Variants in FAM184B observed in about 807,000 individuals in gnomAD.
The protein encoded by FAM184B is protein FAM184B.
FAM184B carries 111 observed loss-of-function variants against 135.9 expected under a neutral mutation model. The observed-to-expected ratio is 0.82, with a 90% confidence interval of 0.70 to 0.96. FAM184B has a LOEUF of 0.96. FAM184B is among the 40% of genes least tolerant of loss of function. The pLI, the probability that FAM184B is intolerant of heterozygous loss-of-function variation, is 0.00. For synonymous variants in FAM184B, 552 were observed against 524.8 expected (o/e 1.05, Z -0.71); for missense variants, 1,375 against 1,323.9 (o/e 1.04, Z -0.60).
intron 1 of FAM184B, among the ~76,000 whole-genome samples, chr4:17,765,880 C>T (rs998835764): frequency 1.3e-5 from 2 of 152,084 alleles, no homozygotes; most frequent in African/African-American, 4.8e-5. Flanking sequence ...TCCCTGGTTT[C>T]AGAAGTGAAG....
chr4:17,674,361 T>A (rs1206388830), intron 7 of FAM184B, among the ~76,000 whole-genome samples: 1 of 152,166 alleles, frequency 6.6e-6, no homozygotes, highest in South Asian at 2.1e-4. Context: ...TGTGCAATAA[T>A]CTTATGTCTA....
At chr4:17,730,442 C>A (rs984744558) in intron 1 of FAM184B, among the ~76,000 whole-genome samples, 1 of 152,074 alleles carries the variant, frequency 6.6e-6, no homozygotes, top group African/African-American at 2.4e-5. Context: ...TTGAGAAGAG[C>A]AACTCCAAGA....
intron 6 of FAM184B, among the ~76,000 whole-genome samples, chr4:17,689,270 A>G (rs917612315): frequency 6.6e-6 from 1 of 152,204 alleles, no homozygotes; most frequent in Non-Finnish European, 1.5e-5. Flanking sequence ...GTAAGGCCTT[A>G]ATTATGATGA....
chr4:17,653,275 CAA>C (rs1419088381), intron 10 of FAM184B, among the ~76,000 whole-genome samples: 1 of 152,170 alleles, frequency 6.6e-6, no homozygotes, highest in African/African-American at 2.4e-5. Context: ...GGAGATAGAG[CAA>C]AAGAGACTGA....
chr4:17,684,070 G>T (rs1560175500), intron 7 of FAM184B, among the ~76,000 whole-genome samples: 1 of 82,594 alleles, frequency 1.2e-5, no homozygotes, highest in African/African-American at 4.8e-5. Context: ...CCAGTCTCAA[G>T]AATAATAATA....
chr4:17,660,070 T>A lies in FAM184B; in HGVS notation c.1712A>T (p.Lys571Met). The A allele has an allele frequency of 6.4e-7, 1 of 1,551,528 alleles. No individual in the cohort carries two copies. Among genetic ancestry groups the A allele is most frequent in the Non-Finnish European group, 8.7e-7 (1 of 1,146,944 alleles). Residue 571 changes from lysine to methionine, a missense_variant, in exon 9 of 18, where the codon AAG (lysine) becomes ATG (methionine). Lys to Met is a moderately conservative substitution (Grantham distance 95, BLOSUM62 -1). Coordinates refer to ENST00000265018, the MANE Select transcript of FAM184B (RefSeq NM_015688.2). ...DEEERTKVLL[K>M]EGSDPQPPLG... is the part of the protein sequence containing the mutation. Reference sequence around the variant, plus strand: ...TGGAGGTTGTGGGTCACTTCCCTCCTTGAGAAGCACTTTGGTCCTTTGAAG... The same window carrying A: ...TGGAGGTTGTGGGTCACTTCCCTCCATGAGAAGCACTTTGGTCCTTTGAAG...
In FAM184B at chr4:17,758,468, T is replaced by C. The variant is rs372850980; in HGVS notation, c.141+22691A>G. Reference sequence around the variant, plus strand: ...CCTACCTGTAGCAGCAGCTGTCTGCTGTTGTGAAGACAATTTAGATGGCTG... The same window carrying C: ...CCTACCTGTAGCAGCAGCTGTCTGCCGTTGTGAAGACAATTTAGATGGCTG... On this transcript the variant is annotated intron_variant, in intron 1 of 17. Coordinates refer to ENST00000265018, the MANE Select transcript of FAM184B (RefSeq NM_015688.2). Among the ~76,000 whole-genome samples, 11 of 152,236 alleles carry C rather than the reference T, an allele frequency of 7.2e-5. No individual in the cohort carries two copies. The East Asian group carries it at 1.7e-3, about 24-fold the overall frequency.
chr4:17,650,137 C>A (rs533154033), intron 11 of FAM184B, among the ~76,000 whole-genome samples: 2 of 151,798 alleles, frequency 1.3e-5, no homozygotes, highest in African/African-American at 4.8e-5. Flanking sequence ...TCTGTCCCTC[C>A]ACCTGTCCAC....
intron 13 of FAM184B, among the ~76,000 whole-genome samples, chr4:17,641,206 T>C (rs1041388121): frequency 1.3e-5 from 2 of 152,096 alleles, no homozygotes; most frequent in Admixed American, 1.3e-4. Flanking sequence ...AGTACTGGTA[T>C]TACAGGCGTG....
intron 1 of FAM184B, among the ~76,000 whole-genome samples, chr4:17,737,697 A>G (rs1338810059): frequency 6.6e-6 from 1 of 152,118 alleles, no homozygotes; most frequent in African/African-American, 2.4e-5. Flanking sequence ...CCCTCATGAG[A>G]AGGACAAAGT....
chr4:17,705,971 C>T (rs1717107723), intron 3 of FAM184B, 80 bp from the exon 4 acceptor site: 7 of 1,518,866 alleles, frequency 4.6e-6, no homozygotes, highest in African/African-American at 2.7e-5. Flanking sequence ...GTCAGGCCCC[C>T]GTTCCGCTTT....
intron 1 of FAM184B, among the ~76,000 whole-genome samples, chr4:17,717,476 C>A (rs1717421246): frequency 6.6e-6 from 1 of 152,144 alleles, no homozygotes; most frequent in Non-Finnish European, 1.5e-5. Flanking sequence ...ACCTTCTAGA[C>A]TGGAACATCA....
chr4:17,636,594 G>T lies in FAM184B; in HGVS notation c.2718C>A (p.Asp906Glu), dbSNP rs1715145003. The T allele has an allele frequency of 1.3e-6, 2 of 1,550,932 alleles. No homozygotes were observed. The highest frequency in any genetic ancestry group is 1.7e-6 in the Non-Finnish European group (2 of 1,146,948). Residue 906 changes from aspartate (D) to glutamate (E), a missense_variant, in exon 15 of 18, where the codon GAC (aspartate) becomes GAA (glutamate). Coordinates refer to ENST00000265018, the MANE Select transcript of FAM184B (RefSeq NM_015688.2). ...KPGKGASRPE[D>E]LQLIGRLQTR... The stretch of plus-strand genomic sequence containing the variant: ...TCTGCAGGCGGCCAATGAGCTGAAG[G>T]TCCTCGGGCCTGGACGCTCCCTTCC...
rs562629317 is a variant in FAM184B at position 17,733,134 on chromosome 4, C to A, written c.142-23490G>T. Among the ~76,000 whole-genome samples, 30 of 152,128 alleles carry A rather than the reference C, an allele frequency of 2.0e-4. No homozygotes were observed. The South Asian group carries it at 6.2e-3, about 32-fold the overall frequency. ...AGAAAAGGCCTTTGACAAAATTCAA[C>A]AACCCTTCATGCTAAAAACTCTCAA... On this transcript the variant is annotated intron_variant, in intron 1 of 17. Transcript: ENST00000265018.
At chr4:17,704,300 A>G (rs746640174) in intron 5 of FAM184B, among the ~76,000 whole-genome samples, 2 of 152,184 alleles carry the variant, frequency 1.3e-5, no homozygotes, top group Non-Finnish European at 2.9e-5. Flanking sequence ...AGCAAACACA[A>G]GAGACGAGGC....
At chr4:17,668,174 T>C (rs575459509) in intron 7 of FAM184B, among the ~76,000 whole-genome samples, 53 of 152,346 alleles carry the variant, frequency 3.5e-4, no homozygotes, top group African/African-American at 1.3e-3. Flanking sequence ...GTTCTTGATC[T>C]TCCTCAGTTC....
At chr4:17,638,134 C>CTTTTTTTTTTTTTTTTTTTT (rs56926847) in intron 14 of FAM184B, among the ~76,000 whole-genome samples, 2 of 73,410 alleles carry the variant, frequency 2.7e-5, no homozygotes, top group African/African-American at 4.6e-5. Context: ...TAACTGTTTG[C>CTTTTTTTTTTTTTTTTTTTT]TTTTTTTTTT....
intron 14 of FAM184B, among the ~76,000 whole-genome samples, chr4:17,637,557 T>G (rs1016084891): frequency 6.6e-6 from 1 of 151,956 alleles, no homozygotes; most frequent in Non-Finnish European, 1.5e-5. Flanking sequence ...TGAAACTGGG[T>G]GGTTGTGAGA....
Position 17,652,865 on chromosome 4 carries a change from C to G in FAM184B, c.2156G>C (p.Arg719Pro). 1 of 1,551,672 alleles carries G rather than the reference C, an allele frequency of 6.4e-7. No homozygotes were observed. Among genetic ancestry groups the G allele is most frequent in the Non-Finnish European group, 8.7e-7 (1 of 1,146,992 alleles). The change falls in exon 11 of 18, where the codon CGT becomes CCT. Residue 719 changes from arginine (R) to proline (P), a missense_variant. By Grantham distance (103) the Arg-to-Pro change is moderately radical (BLOSUM62 -2). Coordinates refer to ENST00000265018, the MANE Select transcript of FAM184B (RefSeq NM_015688.2). ...EKARQELQEERERMQAQQALL... is the reference protein window; with the variant it reads ...EKARQELQEEPERMQAQQALL... ...GGCCTGCTGTGCCTGCATCCTCTCA[C>G]GCTCCTCCTGCAGCTCTTGCCTGGC...
Sources: allele counts gnomAD v4.1 joint callset (sites outside exome capture counted in the v4.1 genomes callset), GRCh38; gene constraint gnomAD v4.1.1; transcripts MANE v1.5; gene names NCBI Gene and HGNC (gene_info 2026-07-23, HGNC 2026-07-21).